Variants in ADGRB2 observed in about 807,000 individuals in gnomAD.
ADGRB2 encodes the protein adhesion G protein-coupled receptor B2, also known as brain-specific angiogenesis inhibitor 2.
A neutral mutation model predicts 178.7 loss-of-function variants in ADGRB2; 47 were observed. The observed-to-expected ratio is 0.26, with a 90% CI of 0.21 to 0.34. The LOEUF (loss-of-function observed/expected upper bound fraction) is 0.34. Ranked by LOEUF, ADGRB2 falls within the 10% of genes least tolerant of loss-of-function variation. ADGRB2 has a pLI of 1.00. For synonymous variants in ADGRB2, 870 were observed against 912.4 expected, an observed-to-expected ratio of 0.95 and a Z score of 0.84; for missense variants, 1,584 against 2,180.8, an observed-to-expected ratio of 0.73 and a Z score of 5.45.
rs918990276 is a variant in ADGRB2, at chr1:31,763,025, C to A, written c.-191+859G>T. Among the ~76,000 whole-genome samples, 84 of 152,262 alleles carry A rather than the reference C, an allele frequency of 5.5e-4. 1 individual carries two copies. The highest frequency in any genetic ancestry group is 1.2e-4 in the Non-Finnish European group (8 of 68,042). ...TGGCCGCCAACTTCACAGCCTACAACCCCCTCCGGATCATGCCGGCCCTGG... is the reference window on the plus strand; with the variant it reads ...TGGCCGCCAACTTCACAGCCTACAAACCCCTCCGGATCATGCCGGCCCTGG... On this transcript the variant is annotated intron_variant, in intron 1 of 32. Coordinates refer to ENST00000373658, the MANE Select transcript of ADGRB2 (RefSeq NM_001364857.2).
Position 31,733,017 on chromosome 1 carries a change from C to A in ADGRB2, c.3579G>T (p.Ala1193=), listed in dbSNP as rs773229379. The A allele has an allele frequency of 2.5e-6, 4 of 1,569,240 alleles. No individual in the cohort carries two copies. The highest frequency in any genetic ancestry group is 3.5e-6 in the Non-Finnish European group (4 of 1,157,464). Residue 1193 remains alanine (A), a synonymous_variant, in exon 26 of 33, where the codon GCG becomes GCT. Coordinates refer to ENST00000373658, the MANE Select transcript of ADGRB2 (RefSeq NM_001364857.2). This position sits in a 1 kb window ranked among gnomAD's most constrained non-coding sequence, Gnocchi z 4.3. ...FQALFAVFNS[A]QGFVITAVHC... is the part of the protein sequence containing the mutation. Reference sequence around the variant, plus strand: ...GCACAGCAGTGATGACAAAGCCCTGCGCGGAGTTGAAGACAGCAAAGAGGG... The same window carrying A: ...GCACAGCAGTGATGACAAAGCCCTGAGCGGAGTTGAAGACAGCAAAGAGGG...
chr1:31,745,014 C>T (rs1045919334), intron 4 of ADGRB2, among the ~76,000 whole-genome samples: 8 of 152,226 alleles, frequency 5.3e-5, no homozygotes, highest in African/African-American at 1.2e-4. Flanking sequence ...CATGGCTGCC[C>T]ATATGAAAGA....
rs781011058 is a variant in ADGRB2 at position 31,753,471 on chromosome 1, T to C, written c.838+2528A>G. Among the ~76,000 whole-genome samples the C allele has an allele frequency of 1.3e-5, 2 of 152,290 alleles. No homozygotes were observed. Among genetic ancestry groups the C allele is most frequent in the South Asian group, 2.1e-4 (1 of 4,822 alleles). On this transcript the variant is annotated intron_variant, in intron 4 of 32. Transcript: ENST00000373658. This position sits in a 1 kb window ranked among gnomAD's most constrained non-coding sequence, Gnocchi z 4.1. ...TTCCGGTACCAGCCCAAGCCCACCC[T>C]GCTAGGCCTCACTGTGGATCTTCCT...
chr1:31,750,457 G>A (rs984801090), intron 4 of ADGRB2, among the ~76,000 whole-genome samples: 7 of 152,120 alleles, frequency 4.6e-5, no homozygotes, highest in African/African-American at 1.7e-4. Context: ...CACTTGCACA[G>A]GACTGCAGAT....
intron 3 of ADGRB2, among the ~76,000 whole-genome samples, 186 bp from the exon 4 acceptor site, chr1:31,757,001 A>C (rs1646870505): frequency 6.6e-6 from 1 of 152,222 alleles, no homozygotes; most frequent in South Asian, 2.1e-4. Flanking sequence ...CCTTACCTGT[A>C]AAATGGACCA....
In ADGRB2 at chr1:31,732,544, C is replaced by A. The variant is rs201162344; in HGVS notation, c.3693G>T (p.Ser1231=). 3 of 1,614,186 alleles carry A rather than the reference C, an allele frequency of 1.9e-6. No individual in the cohort carries two copies. The highest frequency in any genetic ancestry group is 4.5e-5 in the East Asian group (2 of 44,892). The change falls in exon 27 of 33, where the codon TCG becomes TCT. Residue 1231 remains serine, a synonymous_variant. Transcript: ENST00000373658. Reference sequence around the variant, plus strand: ...GGATCTGCAGCTGCCCGTTCTTACACGAGTCAGGGGAGTCTTCGCTCTCAT... The same window carrying A: ...GGATCTGCAGCTGCCCGTTCTTACAAGAGTCAGGGGAGTCTTCGCTCTCAT... The part of the protein sequence containing the change: ...RADESEDSPD[S]CKNGQLQILS...
Position 31,731,148 on chromosome 1 carries a change from C to G in ADGRB2, c.4032G>C (p.Glu1344Asp). 1 of 1,595,364 alleles carries G rather than the reference C, an allele frequency of 6.3e-7. No individual in the cohort carries two copies. The highest frequency in any genetic ancestry group is 1.3e-5 in the African/African-American group (1 of 74,548). Residue 1344 changes from glutamate to aspartate, a missense_variant, in exon 29 of 33, where the codon GAG becomes GAC. By Grantham distance (45) the Glu-to-Asp change is conservative (BLOSUM62 2). Transcript: ENST00000373658. ...QLDLTWLRPT[E>D]PGSEGDYMVL... ...CCATGTAGTCTCCCTCAGAGCCTGGCTCAGTGGGCCGCAGCCATGTGAGGT... is the reference window on the plus strand; with the variant it reads ...CCATGTAGTCTCCCTCAGAGCCTGGGTCAGTGGGCCGCAGCCATGTGAGGT...
chr1:31,735,215 G>A lies in ADGRB2; in HGVS notation c.3420C>T (p.Pro1140=), dbSNP rs1313494404. Residue 1140 remains proline, a synonymous_variant, in exon 25 of 33, where the codon CCC becomes CCT. Coordinates refer to ENST00000373658, the MANE Select transcript of ADGRB2 (RefSeq NM_001364857.2). This position sits in a 1 kb window ranked among gnomAD's most constrained non-coding sequence, Gnocchi z 6.0. Reference sequence around the variant, plus strand: ...TCCTGGCCGAGGCTGAGCTGAGCAGGGGGCTGGGGACCGCTCCACACGCTG... The same window carrying A: ...TCCTGGCCGAGGCTGAGCTGAGCAGAGGGCTGGGGACCGCTCCACACGCTG... ...PCSACGAVPS[P]LLSSASARNA... is the part of the protein sequence containing the mutation. 6.9e-7 allele frequency: 1 copy of A among 1,454,008 alleles called. No homozygotes were observed. The highest frequency in any genetic ancestry group is 9.1e-7 in the Non-Finnish European group (1 of 1,099,164). 90.1% of individuals were successfully genotyped at this position (1,454,008 alleles called of 1,614,324 possible).
Position 31,735,226 on chromosome 1 carries a change from C to T in ADGRB2, c.3409G>A (p.Val1137Ile). The T allele has an allele frequency of 6.9e-7, 1 of 1,459,216 alleles. No individual in the cohort carries two copies. 90.4% of individuals were successfully genotyped at this position (1,459,216 alleles called of 1,614,324 possible). Reference sequence around the variant, plus strand: ...GCTGAGCTGAGCAGGGGGCTGGGGACCGCTCCACACGCTGAGCAGGGGAGG... The same window carrying T: ...GCTGAGCTGAGCAGGGGGCTGGGGATCGCTCCACACGCTGAGCAGGGGAGG... ...LLLPCSACGA[V>I]PSPLLSSASA... The change falls in exon 25 of 33, where the codon GTC becomes ATC. Residue 1137 changes from valine (V) to isoleucine (I), a missense_variant. Transcript: ENST00000373658. The surrounding 1 kb of genome is among the most constrained non-coding windows in gnomAD (Gnocchi z 6.0).
chr1:31,738,383 G>C, intron 17 of ADGRB2, 57 bp from the exon 18 acceptor site: 1 of 1,607,750 alleles, frequency 6.2e-7, no homozygotes, highest in South Asian at 1.1e-5. Flanking sequence ...CCTGCCCCCA[G>C]TCCTGGCCAC....
At chr1:31,746,139 T>C (rs1438558334) in intron 4 of ADGRB2, among the ~76,000 whole-genome samples, 3 of 152,180 alleles carry the variant, frequency 2.0e-5, no homozygotes, top group African/African-American at 7.2e-5. Flanking sequence ...CTTTATCCTC[T>C]GGAGAACAAC....
At chr1:31,739,783 C>G in intron 14 of ADGRB2, 143 bp downstream of exon 14, 1 of 1,177,418 alleles carries the variant, frequency 8.5e-7, no homozygotes, top group South Asian at 1.5e-5. Flanking sequence ...GACAGACATA[C>G]ACAGAGAAAC....
At chr1:31,738,777 C>G in intron 16 of ADGRB2, 55 bp downstream of exon 16, 1 of 1,606,298 alleles carries the variant, frequency 6.2e-7, no homozygotes, top group Non-Finnish European at 8.5e-7. Context: ...CCAGCCAGGC[C>G]TCTGGCCACC....
In ADGRB2 at chr1:31,733,225, G is replaced by C; in HGVS notation, c.3453-82C>G. 1 of 1,453,348 alleles carries C rather than the reference G, an allele frequency of 6.9e-7. No homozygotes were observed. The highest frequency in any genetic ancestry group is 9.3e-7 in the Non-Finnish European group (1 of 1,079,558). 90.0% of individuals were successfully genotyped at this position (1,453,348 alleles called of 1,614,324 possible). A position where few individuals can be genotyped will look rare whatever the true frequency, so the allele number is the denominator to read the frequency against. On this transcript the variant is annotated intron_variant, in intron 25 of 32. Coordinates refer to ENST00000373658, the MANE Select transcript of ADGRB2 (RefSeq NM_001364857.2). The surrounding 1 kb of genome is among the most constrained non-coding windows in gnomAD (Gnocchi z 4.3). ...GAGCCTAGGCCTCCACTCAGCTGGA[G>C]CTCTTCAGCTGCCCAAGACTGGGAG...
chr1:31,755,953 T>C lies in ADGRB2; in HGVS notation c.838+46A>G. The C allele has an allele frequency of 6.4e-7, 1 of 1,560,796 alleles. No homozygotes were observed. The highest frequency in any genetic ancestry group is 1.2e-5 in the South Asian group (1 of 82,226). ...GCCAGGATGGACACCAGGGACACTGTCAGCCCCTGCAGACCCCGCCCCACC... is the reference window on the plus strand; with the variant it reads ...GCCAGGATGGACACCAGGGACACTGCCAGCCCCTGCAGACCCCGCCCCACC... On this transcript the variant is annotated intron_variant, in intron 4 of 32. Transcript: ENST00000373658. The surrounding 1 kb of genome is among the most constrained non-coding windows in gnomAD (Gnocchi z 5.1).
intron 16 of ADGRB2, 87 bp downstream of exon 16, chr1:31,738,745 A>G (rs1569860871): frequency 6.3e-7 from 1 of 1,594,226 alleles, no homozygotes; most frequent in Non-Finnish European, 8.6e-7. Flanking sequence ...TCAGCCCACC[A>G]TCAGGGACAG....
chr1:31,744,568 G>A lies in ADGRB2; in HGVS notation c.922+80C>T, dbSNP rs576174533. 6.5e-7 allele frequency: 1 copy of A among 1,532,210 alleles called. No individual in the cohort carries two copies. Among genetic ancestry groups the A allele is most frequent in the African/African-American group, 1.4e-5 (1 of 72,790 alleles). 94.9% of individuals were successfully genotyped at this position (1,532,210 alleles called of 1,614,324 possible). A position where few individuals can be genotyped will look rare whatever the true frequency, so the allele number is the denominator to read the frequency against. On this transcript the variant is annotated intron_variant, in intron 5 of 32. Transcript: ENST00000373658. The surrounding 1 kb of genome is among the most constrained non-coding windows in gnomAD (Gnocchi z 6.7). ...CTGAACTGCAGGACAGAGACAGACA[G>A]GCACACACCAAGCACACACACCACC...
intron 4 of ADGRB2, among the ~76,000 whole-genome samples, chr1:31,749,758 C>A (rs1208038520): frequency 6.6e-6 from 1 of 152,074 alleles, no homozygotes; most frequent in Non-Finnish European, 1.5e-5. Flanking sequence ...CAAAGAAATA[C>A]AAAAAAATTT....
Position 31,740,318 on chromosome 1 carries a change from C to A in ADGRB2, c.1989+29G>T. 2 of 1,605,748 alleles carry A rather than the reference C, an allele frequency of 1.2e-6. No individual in the cohort carries two copies. Among genetic ancestry groups the A allele is most frequent in the Non-Finnish European group, 1.7e-6 (2 of 1,174,512 alleles). On this transcript the variant is annotated intron_variant, in intron 12 of 32. Transcript: ENST00000373658. This position sits in a 1 kb window ranked among gnomAD's most constrained non-coding sequence, Gnocchi z 5.9. ...CCGCTTCAGTTTGGGCCTTCTCCAC[C>A]CTCCGCCCTCCTTCCTCCTAGGCAG...
Sources: allele counts gnomAD v4.1 joint callset (sites outside exome capture counted in the v4.1 genomes callset), GRCh38; gene constraint gnomAD v4.1.1; non-coding constraint Gnocchi (gnomAD v3.1); transcripts MANE v1.5; gene names NCBI Gene and HGNC (gene_info 2026-07-23, HGNC 2026-07-21).